ANAPC10: variants seen among roughly 807,000 people sequenced by gnomAD.
ANAPC10 encodes the protein anaphase promoting complex subunit 10.
ANAPC10 carries 12 observed loss-of-function variants against 22.0 expected under a neutral mutation model. The observed-to-expected ratio is 0.55, with a 90% CI of 0.35 to 0.88. The LOEUF (loss-of-function observed/expected upper bound fraction) is 0.88. Among genes scored for constraint, ANAPC10 ranks in the 40% least tolerant of loss-of-function variants. The pLI is 0.01. For synonymous variants in ANAPC10, 65 were observed against 69.5 expected (o/e 0.94, Z 0.32); for missense variants, 188 against 220.9 (o/e 0.85, Z 0.94).
At chr4:145,061,062 C>T (rs1339252058) in intron 4 of ANAPC10, among the ~76,000 whole-genome samples, 1 of 152,042 alleles carries the variant, frequency 6.6e-6, no homozygotes, top group African/African-American at 2.4e-5. Flanking sequence ...GTAGTATGTT[C>T]ATTAAGTTTT....
intron 4 of ANAPC10, among the ~76,000 whole-genome samples, chr4:145,019,664 A>C (rs1438935578): frequency 3.3e-5 from 5 of 152,188 alleles, no homozygotes; most frequent in African/African-American, 1.2e-4. Flanking sequence ...TGCTTGTTTG[A>C]AAAGATAAAC....
At chr4:144,995,930 T>C (rs934174145) in intron 4 of ANAPC10, among the ~76,000 whole-genome samples, 2 of 152,212 alleles carry the variant, frequency 1.3e-5, no homozygotes, top group Admixed American at 6.5e-5. Context: ...TTTAAAAATA[T>C]GTGAAACACA....
chr4:145,057,924 A>G (rs1409266284), intron 4 of ANAPC10, among the ~76,000 whole-genome samples: 2 of 152,114 alleles, frequency 1.3e-5, no homozygotes, highest in Non-Finnish European at 2.9e-5. Flanking sequence ...CAACTGCCAT[A>G]GCCTTAATTA....
At chr4:145,094,315 A>T (rs1748157859) in intron 2 of ANAPC10, among the ~76,000 whole-genome samples, 1 of 152,338 alleles carries the variant, frequency 6.6e-6, no homozygotes, top group East Asian at 1.9e-4. Context: ...CTGAGCTGTC[A>T]GGGGCTTGGA....
intron 2 of ANAPC10, among the ~76,000 whole-genome samples, chr4:145,090,504 G>C (rs1210402199): frequency 3.3e-5 from 5 of 152,052 alleles, no homozygotes; most frequent in Non-Finnish European, 7.4e-5. Flanking sequence ...TTCAAGCAAA[G>C]TAAATCACTT....
chr4:145,032,561 G>A (rs1737776983), intron 4 of ANAPC10, among the ~76,000 whole-genome samples: 1 of 152,186 alleles, frequency 6.6e-6, no homozygotes, highest in Admixed American at 6.5e-5. Flanking sequence ...GACCCGTTCT[G>A]TGGACACCAC....
intron 4 of ANAPC10, among the ~76,000 whole-genome samples, chr4:145,035,716 A>G (rs1738418083): frequency 6.6e-6 from 1 of 152,234 alleles, no homozygotes; most frequent in Non-Finnish European, 1.5e-5. Context: ...ACCACTTTAC[A>G]TAAATCTTCA....
chr4:145,071,935 T>C (rs1027325989), intron 3 of ANAPC10, among the ~76,000 whole-genome samples: 1 of 152,122 alleles, frequency 6.6e-6, no homozygotes, highest in African/African-American at 2.4e-5. Context: ...AGACTTTCCT[T>C]CTTTTCTTAC....
rs1258175267 is a variant in ANAPC10, at chr4:145,096,060, T to C, written c.40A>G (p.Lys14Glu). The change falls in exon 2 of 5, where the codon AAG becomes GAG. Residue 14 changes from lysine to glutamate, a missense_variant. Coordinates refer to ENST00000507656, the MANE Select transcript of ANAPC10 (RefSeq NM_001256706.2). ...PNKTPPGADP[K>E]QLERTGTVRE... is the part of the protein sequence containing the mutation. Reference sequence around the variant, plus strand: ...ACTGTTCCAGTCCTTTCCAACTGCTTGGGGTCAGCACCAGGAGGTGTCTTG... The same window carrying C: ...ACTGTTCCAGTCCTTTCCAACTGCTCGGGGTCAGCACCAGGAGGTGTCTTG... 1 of 1,614,194 alleles carries C rather than the reference T, an allele frequency of 6.2e-7. No homozygotes were observed. The highest frequency in any genetic ancestry group is 2.2e-5 in the East Asian group (1 of 44,884).
chr4:145,005,195 C>A (rs1436025899), intron 4 of ANAPC10, among the ~76,000 whole-genome samples: 2 of 152,042 alleles, frequency 1.3e-5, no homozygotes, highest in South Asian at 4.1e-4. Context: ...GGATTACAGG[C>A]GTGAACCACC....
At chr4:145,087,021 A>G (rs904480930) in intron 2 of ANAPC10, among the ~76,000 whole-genome samples, 2 of 151,848 alleles carry the variant, frequency 1.3e-5, no homozygotes, top group African/African-American at 4.8e-5. Flanking sequence ...ACTGTGACAC[A>G]AGCAGAGGCG....
At chr4:145,063,885 G>GT (rs2126463585) in intron 4 of ANAPC10, 1 of 152,164 alleles carries the variant, frequency 6.6e-6, no homozygotes, top group South Asian at 2.1e-4. Context: ...GTATGACTCT[G>GT]TTCATATGAC....
chr4:145,063,557 C>CTCTCAGA (rs1743222077), intron 4 of ANAPC10, among the ~76,000 whole-genome samples: 2 of 152,080 alleles, frequency 1.3e-5, no homozygotes, highest in African/African-American at 4.8e-5. Context: ...TTTCAAAGAT[C>CTCTCAGA]ACAAGTGCTT....
upstream of ANAPC10, chr4:145,098,230 A>G (rs1748912619): frequency 6.6e-6 from 1 of 152,276 alleles, no homozygotes; most frequent in Non-Finnish European, 1.5e-5. Flanking sequence ...ATATCTCCCT[A>G]CCTACCTCCA....
In ANAPC10 at chr4:145,013,297, CAAAT is replaced by C. The variant is rs35263872; in HGVS notation, c.328-17698_328-17695del. On this transcript the variant is annotated intron_variant, in intron 4 of 4. Transcript: ENST00000507656. ...GAGCACAAATGAAAAAAACCTAGAA[CAAAT>C]ACTAGCAAATCAAATCCAGCAATAT... Among the ~76,000 whole-genome samples the C allele has an allele frequency of 1.3e-3, 196 of 151,856 alleles. 1 individual carries two copies. Among genetic ancestry groups the C allele is most frequent in the Middle Eastern group, 6.8e-3 (2 of 292 alleles).
chr4:145,081,518 G>T, intron 3 of ANAPC10, 142 bp downstream of exon 3: 1 of 531,160 alleles, frequency 1.9e-6, no homozygotes, highest in Non-Finnish European at 3.3e-6. Flanking sequence ...TAACTGAACT[G>T]AAAAATAATC....
rs182264131 is a variant in ANAPC10, at chr4:145,014,341, C to T, written c.328-18738G>A. 2.2e-4 allele frequency among the ~76,000 whole-genome samples: 34 copies of T among 152,036 alleles called. No homozygotes were observed. The East Asian group carries it at 2.7e-3, about 12-fold the overall frequency. ...TTTCCCCCACTTCCCTGACAACCTG[C>T]GTGACTCAGCAGAGGCAGCCATAAT... On this transcript the variant is annotated intron_variant, in intron 4 of 4. Transcript: ENST00000507656.
chr4:145,079,985 G>C (rs1745735141), intron 3 of ANAPC10, among the ~76,000 whole-genome samples: 1 of 151,728 alleles, frequency 6.6e-6, no homozygotes, highest in Admixed American at 6.6e-5. Context: ...GTGGTGGCAG[G>C]CACCTGTAAT....
At chr4:145,033,092 C>T (rs1207030511) in intron 4 of ANAPC10, 1 of 152,176 alleles carries the variant, frequency 6.6e-6, no homozygotes, top group African/African-American at 2.4e-5. Context: ...GGTGGAATAG[C>T]CTTTTGAAGT....
Sources: gnomAD v4.1 joint callset for allele counts (sites outside exome capture counted in the v4.1 genomes callset) on GRCh38, gnomAD v4.1.1 for gene constraint, MANE v1.5 for transcripts, NCBI Gene and HGNC (gene_info 2026-07-23, HGNC 2026-07-21) for gene names.